Variants in SLC9A7 observed in about 807,000 individuals in gnomAD.
SLC9A7 encodes the protein solute carrier family 9 member A7.
A neutral mutation model predicts 52.6 loss-of-function variants in SLC9A7; 19 were observed. The ratio of observed to expected loss-of-function variants is 0.36; its 90% CI spans 0.25 to 0.53. The LOEUF (loss-of-function observed/expected upper bound fraction) is 0.53. Among genes scored for constraint, SLC9A7 ranks in the 20% least tolerant of loss-of-function variants. SLC9A7 has a pLI of 0.91. For synonymous variants in SLC9A7, 226 were observed against 252.1 expected (o/e 0.90, Z 0.98); for missense variants, 455 against 597.9 (o/e 0.76, Z 2.49).
Position 46,605,020 on chromosome X carries a change from C to T in SLC9A7, c.*1932G>A, listed in dbSNP as rs1385846605. The T allele has an allele frequency of 9.1e-6, 1 of 109,990 alleles. No individual in the cohort carries two copies. Among genetic ancestry groups the T allele is most frequent in the East Asian group, 2.8e-4 (1 of 3,521 alleles). 9.1% of individuals were successfully genotyped at this position (109,990 alleles called of 1,213,427 possible). A position where few individuals can be genotyped will look rare whatever the true frequency, so the allele number is the denominator to read the frequency against. ...ACTGGCCAGTATGGTGAAACCCCGT[C>T]TCTACTAAAAAATACAAAAAATTAG... On this transcript the variant is annotated 3_prime_UTR_variant, in exon 17 of 17. Transcript: ENST00000616978.
intron 1 of SLC9A7, among the ~76,000 whole-genome samples, chrX:46,740,124 G>A (rs918365799): frequency 9.0e-6 from 1 of 111,487 alleles, no homozygotes; most frequent in African/African-American, 3.3e-5. Context: ...ACACACACAC[G>A]AAGTCCACAG....
intron 11 of SLC9A7, among the ~76,000 whole-genome samples, chrX:46,644,781 A>G (rs1401950899): frequency 8.9e-6 from 1 of 112,347 alleles, no homozygotes; most frequent in Admixed American, 9.4e-5. Context: ...CTATTTTGCA[A>G]TTTCACAATT....
At chrX:46,721,546 C>CAAGAAAT (rs1370408475) in intron 1 of SLC9A7, among the ~76,000 whole-genome samples, 1 of 111,115 alleles carries the variant, frequency 9.0e-6, no homozygotes, top group Non-Finnish European at 1.9e-5. Flanking sequence ...ATTAAGCTTC[C>CAAGAAAT]AAGAAATAAA....
chrX:46,625,658 T>A (rs1602145476), intron 14 of SLC9A7, among the ~76,000 whole-genome samples: 1 of 100,586 alleles, frequency 9.9e-6, no homozygotes, highest in Admixed American at 1.1e-4. Context: ...TGCAGTGAGC[T>A]GAGATCACAT....
chrX:46,696,417 T>C (rs1465662887), intron 1 of SLC9A7, among the ~76,000 whole-genome samples: 2 of 111,559 alleles, frequency 1.8e-5, no homozygotes, highest in African/African-American at 6.5e-5. Context: ...AGCGTTACAA[T>C]ACATGAAAGC....
intron 8 of SLC9A7, among the ~76,000 whole-genome samples, chrX:46,653,305 A>C (rs1206575595): frequency 1.8e-5 from 2 of 111,429 alleles, no homozygotes; most frequent in Non-Finnish European, 3.8e-5. Flanking sequence ...TGAAGGGGGA[A>C]GATCCCTTGA....
intron 5 of SLC9A7, among the ~76,000 whole-genome samples, chrX:46,667,830 T>C (rs1262068332): frequency 3.6e-5 from 4 of 112,285 alleles, no homozygotes; most frequent in African/African-American, 9.7e-5. Flanking sequence ...AGGAAGAGAA[T>C]AGCTGTAACT....
intron 12 of SLC9A7, among the ~76,000 whole-genome samples, chrX:46,639,004 A>G (rs978683578): frequency 8.9e-6 from 1 of 112,858 alleles, no homozygotes; most frequent in African/African-American, 3.2e-5. Flanking sequence ...AAAGAATAAT[A>G]TACCACATCA....
Position 46,758,870 on chromosome X carries a change from T to TGGCGCTGCTGTCCTCCGC in SLC9A7, c.142_159dup (p.Ala48_Ala53dup). On this transcript the variant is annotated inframe_insertion, in exon 1 of 17. Transcript: ENST00000616978. ...TCCTTCTCAGTAGCGAGCTCCTCCATGGCGCTGCTGTCCTCCGCCGCCGCC... is the reference window on the plus strand; with the variant it reads ...TCCTTCTCAGTAGCGAGCTCCTCCATGGCGCTGCTGTCCTCCGCGGCGCTGCTGTCCTCCGCCGCCGCC... 1 of 1,195,263 alleles carries TGGCGCTGCTGTCCTCCGC rather than the reference T, an allele frequency of 8.4e-7. No homozygotes were observed. Among genetic ancestry groups the TGGCGCTGCTGTCCTCCGC allele is most frequent in the Non-Finnish European group, 1.1e-6 (1 of 888,347 alleles).
intron 1 of SLC9A7, among the ~76,000 whole-genome samples, chrX:46,708,293 C>T (rs749186935): frequency 2.7e-5 from 3 of 111,061 alleles, no homozygotes; most frequent in African/African-American, 9.8e-5. Flanking sequence ...TCTGGAAGGC[C>T]GAGGTGGGCA....
intron 15 of SLC9A7, among the ~76,000 whole-genome samples, chrX:46,617,389 T>C (rs1465998574): frequency 1.8e-5 from 2 of 111,841 alleles, no homozygotes; most frequent in Non-Finnish European, 3.8e-5. Flanking sequence ...ATTTAGTTTT[T>C]CTCTTCATCA....
chrX:46,712,130 T>C (rs1944700358), intron 1 of SLC9A7, among the ~76,000 whole-genome samples: 1 of 112,053 alleles, frequency 8.9e-6, no homozygotes, highest in African/African-American at 3.2e-5. Flanking sequence ...TGAATTTTGC[T>C]GCATCTCCCT....
Position 46,695,976 on chromosome X carries a change from CTTAT to C in SLC9A7, c.326-13445_326-13442del, listed in dbSNP as rs61703323. Among the ~76,000 whole-genome samples, 65 of 104,546 alleles carry C rather than the reference CTTAT, an allele frequency of 6.2e-4. 2 individuals are homozygous for C. Among genetic ancestry groups the C allele is most frequent in the Admixed American group, 1.9e-3 (19 of 9,793 alleles). The allele number at this position is 104,546 out of a possible 115,157, so 90.8% of individuals were successfully genotyped here. On this transcript the variant is annotated intron_variant, in intron 1 of 16. Transcript: ENST00000616978. Reference sequence around the variant, plus strand: ...TCATTTCTCCAACTTTATATTTTTACTTATTTATTTATTTATTTATTTATTTATA... The same window carrying C: ...TCATTTCTCCAACTTTATATTTTTACTTATTTATTTATTTATTTATTTATA...
intron 3 of SLC9A7, among the ~76,000 whole-genome samples, chrX:46,677,604 C>T (rs1443836872): frequency 8.9e-6 from 1 of 112,097 alleles, no homozygotes. Context: ...AAAGAATATC[C>T]GTTCCTAATA....
intron 1 of SLC9A7, among the ~76,000 whole-genome samples, chrX:46,747,068 C>T (rs965847279): frequency 2.4e-4 from 27 of 111,932 alleles, no homozygotes; most frequent in African/African-American, 7.8e-4. Context: ...CATGCTCTCA[C>T]TCATATGTGG....
At chrX:46,653,258 T>C (rs1943612519) in intron 8 of SLC9A7, among the ~76,000 whole-genome samples, 1 of 110,543 alleles carries the variant, frequency 9.0e-6, no homozygotes, top group Non-Finnish European at 1.9e-5. Context: ...GTTAGCTGGG[T>C]GTGGTACGTG....
chrX:46,740,352 G>A (rs1388812017), intron 1 of SLC9A7, among the ~76,000 whole-genome samples: 1 of 111,170 alleles, frequency 9.0e-6, no homozygotes, highest in Admixed American at 9.6e-5. Flanking sequence ...ATTCAACATT[G>A]TACTGAAATT....
At chrX:46,658,174 T>C (rs1602190239) in intron 7 of SLC9A7, among the ~76,000 whole-genome samples, 1 of 101,935 alleles carries the variant, frequency 9.8e-6, no homozygotes, top group African/African-American at 3.6e-5. Context: ...TTGAAACCAA[T>C]GAGAACAAAG....
rs868910423 is a variant in SLC9A7 at position 46,751,705 on chromosome X, G to A, written c.325+7000C>T. 3.6e-5 allele frequency among the ~76,000 whole-genome samples: 4 copies of A among 110,861 alleles called. No homozygotes were observed. In the South Asian group the frequency reaches 1.5e-3, roughly 42 times the overall value. ...AGCACCTGTAGTCCCAGCTACTCAG[G>A]AGGCTGAGGTGGGAGGATCACTTGA... On this transcript the variant is annotated intron_variant, in intron 1 of 16. Coordinates refer to ENST00000616978, the MANE Select transcript of SLC9A7 (RefSeq NM_001257291.2).
Sources: gnomAD v4.1 joint callset for allele counts (sites outside exome capture counted in the v4.1 genomes callset) on GRCh38, gnomAD v4.1.1 for gene constraint, MANE v1.5 for transcripts, NCBI Gene and HGNC (gene_info 2026-07-23, HGNC 2026-07-21) for gene names.